Variants in ASIC2 observed in about 807,000 individuals in gnomAD.
ASIC2 encodes acid sensing ion channel subunit 2, also known as acid-sensing ion channel 2.
A neutral mutation model predicts 57.3 loss-of-function variants in ASIC2; 25 were observed. The ratio of observed to expected loss-of-function variants is 0.44; its 90% CI spans 0.32 to 0.61. The LOEUF (loss-of-function observed/expected upper bound fraction) is 0.61, where lower values mean the gene tolerates loss of function less well. Ranked by LOEUF, ASIC2 falls within the 20% of genes least tolerant of loss-of-function variation. The pLI, the probability that ASIC2 is intolerant of heterozygous loss-of-function variation, is 0.06. For synonymous variants in ASIC2, 319 were observed against 307.5 expected (o/e 1.04, Z -0.39); for missense variants, 641 against 738.1 (o/e 0.87, Z 1.52).
intron 1 of ASIC2, among the ~76,000 whole-genome samples, chr17:33,159,867 T>C (rs951047651): frequency 4.6e-5 from 7 of 152,142 alleles, no homozygotes; most frequent in African/African-American, 1.7e-4. Flanking sequence ...CTGGGAAAAT[T>C]TGGTAAGACA....
At chr17:33,793,617 T>A (rs1318653504) in intron 1 of ASIC2, 2 of 152,212 alleles carry the variant, frequency 1.3e-5, no homozygotes, top group African/African-American at 2.4e-5. Flanking sequence ...TTGCTTCAAA[T>A]GTCCTATCTT....
intron 1 of ASIC2, among the ~76,000 whole-genome samples, chr17:33,644,823 A>G (rs1300836635): frequency 6.6e-6 from 1 of 152,228 alleles, no homozygotes; most frequent in Non-Finnish European, 1.5e-5. Flanking sequence ...TCTTGTGAAT[A>G]CCAGATATTT....
At chr17:33,811,521 G>A (rs1912421814) in intron 1 of ASIC2, among the ~76,000 whole-genome samples, 1 of 152,168 alleles carries the variant, frequency 6.6e-6, no homozygotes. Flanking sequence ...GCCCATGAAT[G>A]CCGAGGACTT....
At chr17:33,134,634 C>CCAAACAT (rs2092360582) in intron 1 of ASIC2, among the ~76,000 whole-genome samples, 1 of 152,232 alleles carries the variant, frequency 6.6e-6, no homozygotes, top group South Asian at 2.1e-4. Context: ...ACTTCCAGAG[C>CCAAACAT]CTGGATAATT....
chr17:33,927,527 C>A (rs1327316939), intron 1 of ASIC2, among the ~76,000 whole-genome samples: 3 of 152,202 alleles, frequency 2.0e-5, no homozygotes, highest in Non-Finnish European at 2.9e-5. Flanking sequence ...ACAGAGGGAG[C>A]CTTTCCAGAC....
At chr17:33,819,086 G>A (rs567243807) in intron 1 of ASIC2, among the ~76,000 whole-genome samples, 116 of 152,268 alleles carry the variant, frequency 7.6e-4, no homozygotes, top group African/African-American at 2.5e-3. Flanking sequence ...GGATAATGCC[G>A]TTTGAAGCTG....
intron 1 of ASIC2, among the ~76,000 whole-genome samples, chr17:33,280,767 C>T (rs1904911976): frequency 6.6e-6 from 1 of 152,180 alleles, no homozygotes; most frequent in Non-Finnish European, 1.5e-5. Context: ...AAATTCTTTC[C>T]ATAATTTTCT....
At position 33,116,144 on chromosome 17, in the gene ASIC2, C is replaced by T. The variant is rs145622517; in HGVS notation, c.709-4077G>A. On this transcript the variant is annotated intron_variant, in intron 1 of 9. Coordinates refer to ENST00000225823, the MANE Select transcript of ASIC2 (RefSeq NM_183377.2). ...TCCTAGGTGCTGGCGGAGAGGCTCA[C>T]GGAAAGCGAAACGCCCGCTCCCTGG... 9.0e-3 allele frequency among the ~76,000 whole-genome samples: 1,372 copies of T among 152,368 alleles called. 11 individuals are homozygous for T. Among genetic ancestry groups the T allele is most frequent in the Non-Finnish European group, 0.015 (1,022 of 68,044 alleles).
intron 2 of ASIC2, among the ~76,000 whole-genome samples, chr17:33,090,835 A>G: frequency 6.6e-6 from 1 of 152,196 alleles, no homozygotes. Context: ...TAGCAGGCAG[A>G]CAGGACCCCA....
intron 1 of ASIC2, among the ~76,000 whole-genome samples, chr17:33,374,518 GC>G (rs2141941314): frequency 6.6e-6 from 1 of 152,260 alleles, no homozygotes; most frequent in African/African-American, 2.4e-5. Flanking sequence ...TAAGCTCTGA[GC>G]TTTTGGGGAG....
chr17:34,001,357 G>T (rs888646850), intron 1 of ASIC2: 1 of 152,704 alleles, frequency 6.5e-6, no homozygotes, highest in Non-Finnish European at 1.5e-5. Flanking sequence ...TGTGGGCCTG[G>T]AGTTTGGGTC....
chr17:33,858,402 C>T (rs567371017), intron 1 of ASIC2, among the ~76,000 whole-genome samples: 7 of 152,340 alleles, frequency 4.6e-5, no homozygotes, highest in African/African-American at 1.7e-4. Flanking sequence ...AGAGAAATGG[C>T]TAATGAAGGG....
At chr17:33,917,014 A>G (rs1162195402) in intron 1 of ASIC2, among the ~76,000 whole-genome samples, 1 of 152,026 alleles carries the variant, frequency 6.6e-6, no homozygotes, top group African/African-American at 2.4e-5. Context: ...TCTCTACCAT[A>G]TTGAACAAGC....
intron 1 of ASIC2, among the ~76,000 whole-genome samples, chr17:33,920,117 T>C (rs1915676546): frequency 6.6e-6 from 1 of 152,184 alleles, no homozygotes; most frequent in Non-Finnish European, 1.5e-5. Context: ...TTTGGAGATG[T>C]CTCAAAGAAC....
rs541551487 is a variant in ASIC2 at position 33,165,479 on chromosome 17, G to A, written c.709-53412C>T. 4.0e-5 allele frequency among the ~76,000 whole-genome samples: 6 copies of A among 150,728 alleles called. No individual in the cohort carries two copies. The South Asian group carries it at 6.3e-4, about 16-fold the overall frequency. ...GGTGTGTGTGTGTGTGCGTGCATGC[G>A]TGTGTGTGTGTGTATGCATATATTT... On this transcript the variant is annotated intron_variant, in intron 1 of 9. Coordinates refer to ENST00000225823, the MANE Select transcript of ASIC2 (RefSeq NM_183377.2).
chr17:33,886,177 G>A (rs1328525255), intron 1 of ASIC2, among the ~76,000 whole-genome samples: 1 of 152,112 alleles, frequency 6.6e-6, no homozygotes, highest in Non-Finnish European at 1.5e-5. Context: ...TTTGTTTTGG[G>A]ACCCTGGCTG....
At chr17:33,073,485 T>C (rs1732503940) in intron 3 of ASIC2, among the ~76,000 whole-genome samples, 1 of 152,156 alleles carries the variant, frequency 6.6e-6, no homozygotes, top group African/African-American at 2.4e-5. Context: ...TTTCCCCATG[T>C]ATAAGATGGG....
intron 3 of ASIC2, among the ~76,000 whole-genome samples, chr17:33,072,940 C>A (rs561453823): frequency 1.3e-5 from 2 of 152,230 alleles, no homozygotes; most frequent in Non-Finnish European, 2.9e-5. Context: ...CCATCCCAGG[C>A]GAGCCTCTGT....
At chr17:33,219,631 T>C (rs1438236158) in intron 1 of ASIC2, among the ~76,000 whole-genome samples, 2 of 152,172 alleles carry the variant, frequency 1.3e-5, no homozygotes, top group Non-Finnish European at 2.9e-5. Flanking sequence ...TCCCAAACTG[T>C]GTCCTGCGGG....
Sources: gnomAD v4.1 joint callset for allele counts (sites outside exome capture counted in the v4.1 genomes callset) on GRCh38, gnomAD v4.1.1 for gene constraint, MANE v1.5 for transcripts, NCBI Gene and HGNC (gene_info 2026-07-23, HGNC 2026-07-21) for gene names.